Variants in KLHL13 observed in about 807,000 individuals in gnomAD.
KLHL13 encodes kelch-like protein 13.
Under a neutral mutation model 37.1 loss-of-function variants are expected in KLHL13, and 10 were observed. That is an observed-to-expected ratio of 0.27 (90% confidence interval 0.17 to 0.46). KLHL13 has a LOEUF of 0.46. KLHL13 is among the 20% of genes least tolerant of loss of function. KLHL13 has a pLI of 1.00. For missense variants in KLHL13, 360 were observed against 509.3 expected, an observed-to-expected ratio of 0.71 and a Z score of 2.82; for synonymous variants, 163 against 181.2, an observed-to-expected ratio of 0.90 and a Z score of 0.81.
intron 1 of KLHL13, among the ~76,000 whole-genome samples, chrX:118,036,775 G>A (rs2054448321): frequency 9.0e-6 from 1 of 110,892 alleles, no homozygotes; most frequent in African/African-American, 3.3e-5. Flanking sequence ...CTTCTGCACA[G>A]CAAAAGAAAC....
intron 1 of KLHL13, among the ~76,000 whole-genome samples, chrX:118,095,003 T>G (rs1486618463): frequency 2.7e-5 from 3 of 111,224 alleles, no homozygotes; most frequent in African/African-American, 9.8e-5. Context: ...AATAACCAGC[T>G]AACATCATAA....
chrX:118,107,864 C>T (rs2055362379), intron 1 of KLHL13, among the ~76,000 whole-genome samples: 1 of 111,509 alleles, frequency 9.0e-6, no homozygotes, highest in African/African-American at 3.3e-5. Context: ...CCAGCCTGAG[C>T]AACATGGTGA....
intron 1 of KLHL13, among the ~76,000 whole-genome samples, chrX:118,018,753 T>C (rs1221020436): frequency 1.8e-5 from 2 of 111,408 alleles, no homozygotes; most frequent in Non-Finnish European, 1.9e-5. Context: ...CTATTATAAA[T>C]TGATTGTTTG....
At chrX:117,900,219 T>A (rs747527168) in intron 6 of KLHL13, among the ~76,000 whole-genome samples, 1 of 112,373 alleles carries the variant, frequency 8.9e-6, no homozygotes, top group East Asian at 2.8e-4. Context: ...TAAGCTAATC[T>A]TTAGTCAAAT....
intron 1 of KLHL13, among the ~76,000 whole-genome samples, chrX:117,981,326 T>C (rs1051729073): frequency 1.8e-5 from 2 of 111,972 alleles, no homozygotes; most frequent in African/African-American, 6.5e-5. Context: ...TTCTTTTCCT[T>C]TATCTCATGG....
intron 1 of KLHL13, 142 bp downstream of exon 2, chrX:118,028,282 C>G: frequency 2.9e-6 from 1 of 347,274 alleles, no homozygotes; most frequent in South Asian, 8.7e-5. Flanking sequence ...ATTTCTTTGT[C>G]ACTTAGTCAT....
chrX:117,931,974 T>A (rs1031558826), intron 2 of KLHL13, among the ~76,000 whole-genome samples: 3 of 111,499 alleles, frequency 2.7e-5, no homozygotes, highest in Non-Finnish European at 5.7e-5. Flanking sequence ...AAAAAGACAC[T>A]GAGCACTTTC....
At chrX:118,030,799 C>G (rs1282885087) in intron 1 of KLHL13, among the ~76,000 whole-genome samples, 1 of 102,968 alleles carries the variant, frequency 9.7e-6, no homozygotes, top group East Asian at 2.8e-4. Flanking sequence ...TTGTCAGATG[C>G]CAGCCTCTTT....
intron 1 of KLHL13, chrX:117,947,301 G>A (rs1351458037): frequency 8.9e-6 from 1 of 111,929 alleles, no homozygotes; most frequent in Non-Finnish European, 1.9e-5. Context: ...ATTAGTTTCT[G>A]TATTCCCTGC....
At chrX:117,993,215 CG>C (rs1341983088) in intron 1 of KLHL13, among the ~76,000 whole-genome samples, 1 of 111,024 alleles carries the variant, frequency 9.0e-6, no homozygotes, top group African/African-American at 3.3e-5. Context: ...AGAGAGGGTG[CG>C]GGTGCAAGAC....
At chrX:117,995,163 A>G (rs773160066) in intron 1 of KLHL13, among the ~76,000 whole-genome samples, 14 of 112,437 alleles carry the variant, frequency 1.2e-4, no homozygotes, top group Middle Eastern at 4.6e-3. Flanking sequence ...AACTGCCTTC[A>G]TGTGTCATAT....
intron 1 of KLHL13, among the ~76,000 whole-genome samples, chrX:118,008,294 C>T (rs1796756955): frequency 9.0e-6 from 1 of 111,710 alleles, no homozygotes. Flanking sequence ...AAAAAATTAC[C>T]TTTATCAACT....
intron 2 of KLHL13, among the ~76,000 whole-genome samples, chrX:117,931,374 G>A (rs955901510): frequency 3.5e-4 from 39 of 111,691 alleles, no homozygotes; most frequent in Admixed American, 1.2e-3. Flanking sequence ...TAAGTATTCT[G>A]TAATTAATAT....
intron 1 of KLHL13, among the ~76,000 whole-genome samples, chrX:118,000,313 C>A (rs978727628): frequency 2.7e-5 from 3 of 111,935 alleles, no homozygotes; most frequent in Middle Eastern, 4.2e-3. Flanking sequence ...TTCTCTCCTG[C>A]CCCAGCGTCC....
intron 1 of KLHL13, among the ~76,000 whole-genome samples, chrX:118,016,113 T>C (rs1262222064): frequency 8.9e-6 from 1 of 112,356 alleles, no homozygotes; most frequent in East Asian, 2.8e-4. Context: ...TTCTTTAGCA[T>C]GTACTATGTG....
chrX:117,908,595 T>C (rs1387738837), intron 5 of KLHL13, among the ~76,000 whole-genome samples: 1 of 111,795 alleles, frequency 8.9e-6, no homozygotes, highest in African/African-American at 3.2e-5. Context: ...AATAATAAAA[T>C]TTTACCTTTT....
intron 2 of KLHL13, among the ~76,000 whole-genome samples, chrX:117,933,064 AATTT>A (rs1479259100): frequency 9.2e-6 from 1 of 109,185 alleles, no homozygotes; most frequent in East Asian, 2.8e-4. Context: ...TTAATTGGAT[AATTT>A]ATTTTTTTTT....
At chrX:117,978,105 C>A (rs777481393), upstream of KLHL13, among the ~76,000 whole-genome samples, 1 of 112,384 alleles carries the variant, frequency 8.9e-6, no homozygotes, top group Admixed American at 9.4e-5. Context: ...TTAGAAATTT[C>A]TTTAACAGAA....
intron 2 of KLHL13, among the ~76,000 whole-genome samples, chrX:117,927,398 G>A (rs753191842): frequency 6.9e-4 from 78 of 112,366 alleles, no homozygotes; most frequent in African/African-American, 2.5e-3. Flanking sequence ...TTTCTCCTTG[G>A]TCAGAGAAGC....
Sources: gnomAD v4.1 joint callset for allele counts (sites outside exome capture counted in the v4.1 genomes callset) on GRCh38, gnomAD v4.1.1 for gene constraint, MANE v1.5 for transcripts, NCBI Gene and HGNC (gene_info 2026-07-23, HGNC 2026-07-21) for gene names.